The following SMOX variants were observed in gnomAD, a reference collection of about 807,000 sequenced individuals.
SMOX encodes flavin containing amine oxidase.
SMOX carries 22 observed loss-of-function variants against 51.0 expected under a neutral mutation model. The ratio of observed to expected loss-of-function variants is 0.43; its 90% CI spans 0.31 to 0.62. The LOEUF is 0.62. SMOX is among the 20% of genes least tolerant of loss of function. The pLI is 0.10. For synonymous variants in SMOX, 282 were observed against 307.8 expected (o/e 0.92, Z 0.88); for missense variants, 566 against 777.7 (o/e 0.73, Z 3.24).
Position 4,177,248 on chromosome 20 carries a change from T to G in SMOX, c.209-103T>G. On this transcript the variant is annotated intron_variant, in intron 2 of 6. Coordinates refer to ENST00000305958, the MANE Select transcript of SMOX (RefSeq NM_175839.3). The surrounding 1 kb of genome is among the most constrained non-coding windows in gnomAD (Gnocchi z 4.3). ...GAAGTTCAAGCTCTTTCCTGCCCTGTTGTAGGGTGGAAAGACCCTCTTGGA... is the reference window on the plus strand; with the variant it reads ...GAAGTTCAAGCTCTTTCCTGCCCTGGTGTAGGGTGGAAAGACCCTCTTGGA... 1 of 1,010,160 alleles carries G rather than the reference T, an allele frequency of 9.9e-7. No homozygotes were observed. Among genetic ancestry groups the G allele is most frequent in the Non-Finnish European group, 1.5e-6 (1 of 682,862 alleles). 62.6% of individuals were successfully genotyped at this position (1,010,160 alleles called of 1,614,324 possible).
At chr20:4,155,596 A>C (rs1600794832) in intron 1 of SMOX, among the ~76,000 whole-genome samples, 1 of 152,118 alleles carries the variant, frequency 6.6e-6, no homozygotes, top group East Asian at 1.9e-4. Context: ...TCAGCTTAAC[A>C]CATTTTAGTT....
intron 1 of SMOX, among the ~76,000 whole-genome samples, chr20:4,152,332 G>A (rs1313633206): frequency 1.3e-5 from 2 of 152,150 alleles, no homozygotes; most frequent in Non-Finnish European, 2.9e-5. Context: ...GGTGACTGCT[G>A]GGTACCCAGC....
At chr20:4,169,531 C>T (rs577168255) in intron 1 of SMOX, among the ~76,000 whole-genome samples, 12 of 152,286 alleles carry the variant, frequency 7.9e-5, no homozygotes, top group Admixed American at 2.6e-4. Context: ...AGGGTTTGGC[C>T]GCGCTCACCT....
Position 4,177,369 on chromosome 20 carries a change from T to A in SMOX, c.227T>A (p.Leu76Gln). 6.4e-7 allele frequency: 1 copy of A among 1,552,650 alleles called. No individual in the cohort carries two copies. Among genetic ancestry groups the A allele is most frequent in the Non-Finnish European group, 8.7e-7 (1 of 1,147,480 alleles). Residue 76 changes from leucine to glutamine, a missense_variant, in exon 3 of 7, where the codon CTG becomes CAG. Leu to Gln is a moderately radical substitution (Grantham distance 113, BLOSUM62 -2). Transcript: ENST00000305958. This position sits in a 1 kb window ranked among gnomAD's most constrained non-coding sequence, Gnocchi z 4.3. ...SVKLGHATFE[L>Q]GATWIHGSHG... ...CCCTCAGGACACGCCACCTTTGAGCTGGGAGCCACCTGGATCCATGGCTCC... is the reference window on the plus strand; with the variant it reads ...CCCTCAGGACACGCCACCTTTGAGCAGGGAGCCACCTGGATCCATGGCTCC...
chr20:4,152,437 G>A (rs1234360907), intron 1 of SMOX, among the ~76,000 whole-genome samples: 1 of 152,142 alleles, frequency 6.6e-6, no homozygotes, highest in Non-Finnish European at 1.5e-5. Flanking sequence ...AAATTGTGTG[G>A]CTGGTACTCT....
At chr20:4,156,381 CAGT>C (rs1986020810) in intron 1 of SMOX, among the ~76,000 whole-genome samples, 1 of 152,194 alleles carries the variant, frequency 6.6e-6, no homozygotes, top group African/African-American at 2.4e-5. Flanking sequence ...TTTGGACAAT[CAGT>C]AGAAGAAGAG....
At chr20:4,171,880 C>T (rs1978414178) in intron 1 of SMOX, 1 of 152,242 alleles carries the variant, frequency 6.6e-6, no homozygotes, top group Non-Finnish European at 1.5e-5. Flanking sequence ...CCATGGAGGG[C>T]CTTATTTGAC....
intron 1 of SMOX, among the ~76,000 whole-genome samples, chr20:4,164,150 G>A (rs1377148833): frequency 6.6e-6 from 1 of 152,114 alleles, no homozygotes; most frequent in Non-Finnish European, 1.5e-5. Context: ...CCATAACAGT[G>A]TCTCTGTGGG....
chr20:4,163,180 A>G lies in SMOX; in HGVS notation c.-26-11850A>G, dbSNP rs541624587. On this transcript the variant is annotated intron_variant, in intron 1 of 6. Transcript: ENST00000305958. ...ACTGGAACCTGAGCCTTGGCTGTAC[A>G]TTGGCATCATGTAGGTCCCTAAAAA... Among the ~76,000 whole-genome samples the G allele has an allele frequency of 8.3e-3, 1,249 of 149,824 alleles. 15 individuals carry two copies. Among genetic ancestry groups the G allele is most frequent in the Non-Finnish European group, 9.8e-3 (662 of 67,358 alleles).
At chr20:4,158,579 A>G (rs906337628) in intron 1 of SMOX, among the ~76,000 whole-genome samples, 4 of 152,118 alleles carry the variant, frequency 2.6e-5, no homozygotes, top group Non-Finnish European at 5.9e-5. Flanking sequence ...GTGAGTTGCA[A>G]TTTATTAGAA....
At chr20:4,162,162 G>GC (rs1986363053) in intron 1 of SMOX, among the ~76,000 whole-genome samples, 1 of 151,972 alleles carries the variant, frequency 6.6e-6, no homozygotes, top group South Asian at 2.1e-4. Context: ...GCGCAGGGCG[G>GC]CCCGGGTGGG....
chr20:4,157,312 G>A (rs1741305), intron 1 of SMOX, among the ~76,000 whole-genome samples: 53,079 of 151,986 alleles, frequency 0.35, 9,633 homozygotes, highest in Admixed American at 0.44. Flanking sequence ...GGGACCCTGG[G>A]GAGGGCCCTG....
At chr20:4,165,901 ATCTGAGGGGAAGAATGTGGGTTCT>A in intron 1 of SMOX, among the ~76,000 whole-genome samples, 1 of 152,172 alleles carries the variant, frequency 6.6e-6, no homozygotes, top group Admixed American at 6.5e-5. Flanking sequence ...AAGATCTGGA[ATCTGAGGGGAAGAATGTGGGTTCT>A]GCCTGCTGAG....
In SMOX at chr20:4,181,592, C is replaced by T. The variant is rs1979324147; in HGVS notation, c.436-211C>T. ...AGAAAACCTCCGGGGCTTATCCCAC[C>T]TCCCCGACAGGCCGGAGGCGAGGAG... On this transcript the variant is annotated intron_variant, in intron 3 of 6. Transcript: ENST00000305958. This position sits in a 1 kb window ranked among gnomAD's most constrained non-coding sequence, Gnocchi z 5.6. Among the ~76,000 whole-genome samples, 1 of 152,198 alleles carries T rather than the reference C, an allele frequency of 6.6e-6. No individual in the cohort carries two copies. Among genetic ancestry groups the T allele is most frequent in the Non-Finnish European group, 1.5e-5 (1 of 68,044 alleles).
intron 1 of SMOX, among the ~76,000 whole-genome samples, chr20:4,158,077 T>A (rs1377211580): frequency 6.7e-6 from 1 of 148,998 alleles, no homozygotes; most frequent in Admixed American, 6.7e-5. Flanking sequence ...ATTTTTTGTA[T>A]TTTTAGTAGA....
chr20:4,154,947 T>C (rs1985937632), intron 1 of SMOX, among the ~76,000 whole-genome samples: 2 of 151,970 alleles, frequency 1.3e-5, no homozygotes, highest in Admixed American at 1.3e-4. Flanking sequence ...TGGGGCTGTG[T>C]GAGGGCCTCT....
intron 1 of SMOX, among the ~76,000 whole-genome samples, chr20:4,159,967 A>G (rs1986228608): frequency 6.6e-6 from 1 of 152,220 alleles, no homozygotes; most frequent in South Asian, 2.1e-4. Flanking sequence ...CAGGAGGGGA[A>G]GGTCTCGGGC....
At position 4,187,363 on chromosome 20, in the gene SMOX, C is replaced by T. The variant is rs138039387; in HGVS notation, c.1624C>T (p.Arg542Cys). ...ALLSGQREAA[R>C]LIEMYRDLFQ... is the part of the protein sequence containing the mutation. ...GCTGTCCGGCCAGCGTGAGGCTGCC[C>T]GCCTCATTGAGATGTACCGAGACCT... Residue 542 changes from arginine to cysteine, a missense_variant, in exon 7 of 7, where the codon CGC becomes TGC. By Grantham distance (180) the Arg-to-Cys change is radical. Transcript: ENST00000305958. The surrounding 1 kb of genome is among the most constrained non-coding windows in gnomAD (Gnocchi z 4.8). 8.1e-6 allele frequency: 13 copies of T among 1,614,080 alleles called. No homozygotes were observed. Among genetic ancestry groups the T allele is most frequent in the African/African-American group, 6.7e-5 (5 of 74,930 alleles).
At chr20:4,171,114 A>G (rs1362957099) in intron 1 of SMOX, among the ~76,000 whole-genome samples, 4 of 152,168 alleles carry the variant, frequency 2.6e-5, no homozygotes, top group African/African-American at 9.6e-5. Flanking sequence ...TCTCTCCTTT[A>G]TCTGCTCAGA....
Sources: gnomAD v4.1 joint callset for allele counts (sites outside exome capture counted in the v4.1 genomes callset) on GRCh38, gnomAD v4.1.1 for gene constraint, Gnocchi (gnomAD v3.1) non-coding constraint, MANE v1.5 for transcripts, NCBI Gene and HGNC (gene_info 2026-07-23, HGNC 2026-07-21) for gene names.